STXBP5: variants seen among roughly 807,000 people sequenced by gnomAD.
The protein encoded by STXBP5 is syntaxin binding protein 5.
Under a neutral mutation model 152.4 loss-of-function variants are expected in STXBP5, and 50 were observed. The ratio of observed to expected loss-of-function variants is 0.33; its 90% CI spans 0.26 to 0.42. STXBP5 has a LOEUF of 0.42. Ranked by LOEUF, STXBP5 falls within the 10% of genes least tolerant of loss-of-function variation. STXBP5 has a pLI of 1.00. For synonymous variants in STXBP5, 492 were observed against 494.7 expected, an observed-to-expected ratio of 0.99 and a Z score of 0.07; for missense variants, 1,167 against 1,388.6, an observed-to-expected ratio of 0.84 and a Z score of 2.54.
At chr6:147,269,374 T>C (rs1380023299) in intron 7 of STXBP5, among the ~76,000 whole-genome samples, 2 of 152,190 alleles carry the variant, frequency 1.3e-5, no homozygotes, top group Admixed American at 6.5e-5. Context: ...CTAAACTGTT[T>C]TTAAGTACGT....
At chr6:147,264,920 TTAAGTTATTAAGGTCTGG>T (rs1448024504) in intron 6 of STXBP5, among the ~76,000 whole-genome samples, 1 of 145,602 alleles carries the variant, frequency 6.9e-6, no homozygotes, top group Non-Finnish European at 1.5e-5. Context: ...TTTAACCCTC[TTAAGTTATTAAGGTCTGG>T]ATAGATAAAA....
chr6:147,352,516 C>T lies in STXBP5; in HGVS notation c.2255-807C>T, dbSNP rs371412784. 1.4e-4 allele frequency among the ~76,000 whole-genome samples: 22 copies of T among 152,074 alleles called. 1 individual carries two copies. Among genetic ancestry groups the T allele is most frequent in the African/African-American group, 4.6e-4 (19 of 41,418 alleles). The stretch of plus-strand genomic sequence containing the variant: ...ATCCCAACTACTCAGGAGGCTGAGG[C>T]GGGAGAATCCCTTGACCCTGAGAGG... On this transcript the variant is annotated intron_variant, in intron 21 of 27. Coordinates refer to ENST00000321680, the MANE Select transcript of STXBP5 (RefSeq NM_001127715.4).
intron 6 of STXBP5, among the ~76,000 whole-genome samples, chr6:147,263,394 G>A (rs954680018): frequency 8.9e-6 from 1 of 111,870 alleles, no homozygotes; most frequent in Non-Finnish European, 1.8e-5. Context: ...GTCTCACTAT[G>A]TTGCCTAAGC....
intron 2 of STXBP5, among the ~76,000 whole-genome samples, chr6:147,212,318 A>G (rs1776898233): frequency 1.3e-5 from 2 of 152,064 alleles, no homozygotes; most frequent in African/African-American, 4.8e-5. Flanking sequence ...TCTCTGTTGG[A>G]TATTCTTTGT....
At chr6:147,370,612 C>G (rs1785495456) in intron 25 of STXBP5, among the ~76,000 whole-genome samples, 1 of 151,412 alleles carries the variant, frequency 6.6e-6, no homozygotes. Flanking sequence ...ATTTGTGAAC[C>G]CTAACCAAAA....
intron 25 of STXBP5, among the ~76,000 whole-genome samples, chr6:147,369,933 A>T (rs9386182): frequency 0.63 from 92,447 of 147,590 alleles, 29,423 homozygotes; most frequent in African/African-American, 0.81. Flanking sequence ...CATTTTTTTT[A>T]AATTAAAAGA....
chr6:147,301,848 A>G (rs1781836153), intron 9 of STXBP5, among the ~76,000 whole-genome samples: 1 of 152,188 alleles, frequency 6.6e-6, no homozygotes, highest in Non-Finnish European at 1.5e-5. Context: ...TCACATGGTG[A>G]GATTACCACA....
chr6:147,270,201 A>G (rs1780089519), intron 7 of STXBP5, among the ~76,000 whole-genome samples: 1 of 151,968 alleles, frequency 6.6e-6, no homozygotes, highest in Non-Finnish European at 1.5e-5. Context: ...GATCGAGACC[A>G]TCCTAGCTAA....
chr6:147,216,774 T>C (rs1777190775), intron 2 of STXBP5, among the ~76,000 whole-genome samples: 1 of 152,202 alleles, frequency 6.6e-6, no homozygotes, highest in African/African-American at 2.4e-5. Context: ...AACGTGAGCA[T>C]TCACCCAGAA....
intron 7 of STXBP5, among the ~76,000 whole-genome samples, chr6:147,275,403 A>G (rs978977651): frequency 6.6e-6 from 1 of 150,712 alleles, no homozygotes; most frequent in Non-Finnish European, 1.5e-5. Context: ...TCTACCCTGG[A>G]TTCATCTTGT....
chr6:147,339,899 G>A (rs1784014808), intron 21 of STXBP5, among the ~76,000 whole-genome samples: 1 of 151,874 alleles, frequency 6.6e-6, no homozygotes, highest in Non-Finnish European at 1.5e-5. Context: ...AAAATGCATT[G>A]CTTCTTGTGA....
chr6:147,339,247 T>C lies in STXBP5; in HGVS notation c.2206+9T>C. 6.6e-7 allele frequency: 1 copy of C among 1,526,080 alleles called. No homozygotes were observed. The highest frequency in any genetic ancestry group is 1.3e-5 in the South Asian group (1 of 78,404). 94.5% of individuals were successfully genotyped at this position (1,526,080 alleles called of 1,614,324 possible). On this transcript the variant is annotated intron_variant, in intron 20 of 27. Coordinates refer to ENST00000321680, the MANE Select transcript of STXBP5 (RefSeq NM_001127715.4). ...TAATTTTATAGAAAAGGGTATAGTA[T>C]CTTGATTTTAAAGTATTTTCTTTTA...
At chr6:147,255,776 A>C (rs1350539813) in intron 4 of STXBP5, among the ~76,000 whole-genome samples, 1 of 152,230 alleles carries the variant, frequency 6.6e-6, no homozygotes, top group African/African-American at 2.4e-5. Flanking sequence ...GGCCTCCCAC[A>C]GTGCTGGAAT....
intron 5 of STXBP5, among the ~76,000 whole-genome samples, chr6:147,261,540 T>C (rs901929708): frequency 6.6e-6 from 1 of 152,128 alleles, no homozygotes; most frequent in Non-Finnish European, 1.5e-5. Context: ...AGGATAATTC[T>C]GTGACGTATC....
chr6:147,205,470 C>G (rs547275527), intron 1 of STXBP5, among the ~76,000 whole-genome samples: 1 of 151,650 alleles, frequency 6.6e-6, no homozygotes, highest in Non-Finnish European at 1.5e-5. Context: ...CATCTTCATT[C>G]TGTTACAAGT....
chr6:147,348,449 A>T (rs897398998), intron 21 of STXBP5, among the ~76,000 whole-genome samples: 1 of 152,056 alleles, frequency 6.6e-6, no homozygotes, highest in Admixed American at 6.6e-5. Flanking sequence ...ACTAGTTAAC[A>T]TTTCAGATTT....
intron 6 of STXBP5, among the ~76,000 whole-genome samples, chr6:147,264,603 A>G (rs979560212): frequency 7.2e-5 from 11 of 152,112 alleles, no homozygotes; most frequent in South Asian, 2.1e-4. Context: ...AGAGAAATGT[A>G]TTCATATTCC....
intron 19 of STXBP5, among the ~76,000 whole-genome samples, chr6:147,336,301 TTG>T (rs765451342): frequency 6.6e-6 from 1 of 152,172 alleles, no homozygotes; most frequent in Non-Finnish European, 1.5e-5. Flanking sequence ...TTTTTATAGC[TTG>T]TGTGTGTCTT....
chr6:147,361,401 G>T (rs1343719692), intron 23 of STXBP5, among the ~76,000 whole-genome samples: 1 of 152,138 alleles, frequency 6.6e-6, no homozygotes, highest in Admixed American at 6.5e-5. Flanking sequence ...ACTTTCATAT[G>T]TAAGAAAGAA....
Sources: allele counts gnomAD v4.1 joint callset (sites outside exome capture counted in the v4.1 genomes callset), GRCh38; gene constraint gnomAD v4.1.1; transcripts MANE v1.5; gene names NCBI Gene and HGNC (gene_info 2026-07-23, HGNC 2026-07-21).